The following NOX4 variants were observed in gnomAD, a reference collection of about 807,000 sequenced individuals.
NOX4 encodes NADPH oxidase 4.
Under a neutral mutation model 87.6 loss-of-function variants are expected in NOX4, and 69 were observed. The observed-to-expected ratio is 0.79, with a 90% CI of 0.65 to 0.96. The LOEUF is 0.96. Among genes scored for constraint, NOX4 ranks in the 40% least tolerant of loss-of-function variants. The pLI is 0.00. For synonymous variants in NOX4, 275 were observed against 238.2 expected, an observed-to-expected ratio of 1.15 and a Z score of -1.42; for missense variants, 680 against 681.5, an observed-to-expected ratio of 1.00 and a Z score of 0.02.
Position 89,399,285 on chromosome 11 carries a change from T to C in NOX4, c.1074+732A>G, listed in dbSNP as rs185830236. On this transcript the variant is annotated intron_variant, in intron 11 of 17. Coordinates refer to ENST00000263317, the MANE Select transcript of NOX4 (RefSeq NM_016931.5). The stretch of plus-strand genomic sequence containing the variant: ...ACTGGATTTTACCTTTTCTAAACAC[T>C]GCCTGTTTTGTTTAATGTTTCCACC... Among the ~76,000 whole-genome samples, 598 of 151,020 alleles carry C rather than the reference T, an allele frequency of 4.0e-3. 4 individuals are homozygous for C. Among genetic ancestry groups the C allele is most frequent in the African/African-American group, 0.014 (568 of 41,244 alleles).
chr11:89,562,701 T>G, the NOX4 span, among the ~76,000 whole-genome samples: 1 of 152,216 alleles, frequency 6.6e-6, no homozygotes, highest in Non-Finnish European at 1.5e-5. Flanking sequence ...CTGACATTCC[T>G]TGAAGAATGG....
intron 13 of NOX4, among the ~76,000 whole-genome samples, chr11:89,352,744 G>A (rs1937655885): frequency 6.6e-6 from 1 of 152,168 alleles, no homozygotes. Context: ...ATGATATAAT[G>A]TTAATAAATG....
chr11:89,536,529 T>C, the NOX4 span, among the ~76,000 whole-genome samples: 7 of 152,208 alleles, frequency 4.6e-5, no homozygotes, highest in Admixed American at 3.3e-4. Context: ...TAAAGTGTTG[T>C]AGAGCCGCTG....
At position 89,326,421 on chromosome 11, in the gene NOX4, A is replaced by C. The variant is rs1378484007; in HGVS notation, c.*335T>G. 1 of 162,262 alleles carries C rather than the reference A, an allele frequency of 6.2e-6. No individual in the cohort carries two copies. The highest frequency in any genetic ancestry group is 2.4e-5 in the African/African-American group (1 of 41,820). The allele number at this position is 162,262 out of a possible 1,614,324, so 10.1% of individuals were successfully genotyped here. A position where few individuals can be genotyped will look rare whatever the true frequency, so the allele number is the denominator to read the frequency against. ...AAAACAATTTAAAGAGGAACACGAC[A>C]ATCAGCCTTAGATTGAGCAAGTTCA... On this transcript the variant is annotated 3_prime_UTR_variant, in exon 18 of 18. Transcript: ENST00000263317.
the NOX4 span, among the ~76,000 whole-genome samples, chr11:89,521,650 G>A: frequency 6.6e-6 from 1 of 151,892 alleles, no homozygotes; most frequent in South Asian, 2.1e-4. Context: ...GTCCTCAAAA[G>A]CAATTGCTAC....
At chr11:89,531,838 G>C in the NOX4 span, among the ~76,000 whole-genome samples, 2 of 152,356 alleles carry the variant, frequency 1.3e-5, no homozygotes, top group South Asian at 2.1e-4. Flanking sequence ...GGGCCCTGCT[G>C]TTTTGTGCAG....
the NOX4 span, among the ~76,000 whole-genome samples, chr11:89,522,862 G>C: frequency 6.6e-6 from 1 of 152,040 alleles, no homozygotes; most frequent in Non-Finnish European, 1.5e-5. Context: ...GGGAAACAAA[G>C]CCCTTTAATA....
the NOX4 span, among the ~76,000 whole-genome samples, chr11:89,572,415 T>C: frequency 6.6e-6 from 1 of 152,388 alleles, no homozygotes; most frequent in South Asian, 2.1e-4. Context: ...TTCTGTATGA[T>C]TTCAGTCCTT....
At chr11:89,341,237 C>T (rs1377361491) in intron 14 of NOX4, among the ~76,000 whole-genome samples, 3 of 150,266 alleles carry the variant, frequency 2.0e-5, no homozygotes, top group Admixed American at 1.3e-4. Flanking sequence ...ATTCTCATGC[C>T]TCAGCCTCTG....
At chr11:89,529,052 C>T in the NOX4 span, among the ~76,000 whole-genome samples, 1 of 151,820 alleles carries the variant, frequency 6.6e-6, no homozygotes, top group African/African-American at 2.4e-5. Flanking sequence ...GAAATCAAAT[C>T]CCCAGAAAGT....
the NOX4 span, among the ~76,000 whole-genome samples, chr11:89,523,861 A>C: frequency 6.6e-6 from 1 of 151,184 alleles, no homozygotes; most frequent in Non-Finnish European, 1.5e-5. Flanking sequence ...TATGGATAAA[A>C]GAAAGTAGAC....
chr11:89,401,015 T>C (rs1190562903), intron 9 of NOX4, among the ~76,000 whole-genome samples: 5 of 152,212 alleles, frequency 3.3e-5, no homozygotes, highest in South Asian at 4.1e-4. Flanking sequence ...TTAGCCCTGA[T>C]CCCAGGACAC....
the NOX4 span, among the ~76,000 whole-genome samples, chr11:89,550,152 C>T: frequency 5.0e-3 from 763 of 151,940 alleles, 8 homozygotes; most frequent in East Asian, 0.055. Context: ...ACAGCCTCGC[C>T]AGTATCGGTT....
intron 13 of NOX4, among the ~76,000 whole-genome samples, chr11:89,350,681 G>A (rs1946417820): frequency 6.6e-6 from 1 of 152,116 alleles, no homozygotes; most frequent in East Asian, 1.9e-4. Flanking sequence ...ATACAGCAGT[G>A]GTTGTGAATG....
chr11:89,421,222 T>C (rs561956869), intron 8 of NOX4, among the ~76,000 whole-genome samples: 1 of 152,300 alleles, frequency 6.6e-6, no homozygotes, highest in South Asian at 2.1e-4. Context: ...GCCAAAGCCA[T>C]CAAGTTCACT....
chr11:89,398,061 T>A (rs1243250918), intron 11 of NOX4, among the ~76,000 whole-genome samples: 1 of 151,410 alleles, frequency 6.6e-6, no homozygotes, highest in Non-Finnish European at 1.5e-5. Context: ...GATGCAAATA[T>A]CCTCAATAAA....
intron 2 of NOX4, among the ~76,000 whole-genome samples, chr11:89,460,280 G>C (rs191900708): frequency 6.6e-6 from 1 of 152,176 alleles, no homozygotes; most frequent in Non-Finnish European, 1.5e-5. Flanking sequence ...AACACCAAAA[G>C]CAATGGCAAC....
At chr11:89,509,341 G>A in the NOX4 span, among the ~76,000 whole-genome samples, 3 of 152,046 alleles carry the variant, frequency 2.0e-5, no homozygotes, top group Non-Finnish European at 4.4e-5. Flanking sequence ...AAAGGGCAAT[G>A]TCATATACTG....
intron 8 of NOX4, among the ~76,000 whole-genome samples, chr11:89,415,535 A>G (rs1942717777): frequency 2.0e-5 from 3 of 152,142 alleles, no homozygotes; most frequent in African/African-American, 7.2e-5. Context: ...ACGGTATCTA[A>G]TGAAAGTTGA....
Sources: allele counts gnomAD v4.1 joint callset (sites outside exome capture counted in the v4.1 genomes callset), GRCh38; gene constraint gnomAD v4.1.1; transcripts MANE v1.5; gene names NCBI Gene and HGNC (gene_info 2026-07-23, HGNC 2026-07-21).